Variants in CD109 observed in about 807,000 individuals in gnomAD.
The protein encoded by CD109 is CD109 antigen.
A neutral mutation model predicts 165.8 loss-of-function variants in CD109; 149 were observed. That is an observed-to-expected ratio of 0.90 (90% CI 0.79 to 1.03). CD109 has a LOEUF of 1.03. Ranked by LOEUF, CD109 falls within the 50% of genes least tolerant of loss-of-function variation. The pLI is 0.00. For synonymous variants in CD109, 585 were observed against 592.1 expected (o/e 0.99, Z 0.18); for missense variants, 1,712 against 1,677.8 (o/e 1.02, Z -0.36).
At chr6:73,821,067 CA>C (rs991763228) in intron 32 of CD109, among the ~76,000 whole-genome samples, 4 of 152,028 alleles carry the variant, frequency 2.6e-5, no homozygotes, top group Admixed American at 1.3e-4. Flanking sequence ...GACAAAAAAC[CA>C]AATGCTGCAT....
intron 29 of CD109, among the ~76,000 whole-genome samples, chr6:73,814,531 C>A (rs1775864689): frequency 6.6e-6 from 1 of 152,136 alleles, no homozygotes. Flanking sequence ...CAAAAATAAT[C>A]CTCAGCAATG....
chr6:73,732,877 C>T (rs1308940466), intron 4 of CD109, among the ~76,000 whole-genome samples: 2 of 152,302 alleles, frequency 1.3e-5, no homozygotes, highest in South Asian at 4.1e-4. Context: ...CTCAGAGAGA[C>T]TTTCCTCTTA....
At position 73,784,037 on chromosome 6, in the gene CD109, G is replaced by T. The variant is rs139727903; in HGVS notation, c.2223+213G>T. ...GCTAAATGTGCAAAGTCCGTATTAA[G>T]ATTTGGGTAGAAAAGTTTATTATTG... On this transcript the variant is annotated intron_variant, in intron 19 of 32. Transcript: ENST00000287097. 3.0e-3 allele frequency among the ~76,000 whole-genome samples: 460 copies of T among 152,204 alleles called. 3 individuals are homozygous for T. The highest frequency in any genetic ancestry group is 0.011 in the African/African-American group (439 of 41,518).
Position 73,730,485 on chromosome 6 carries a change from T to A in CD109, c.418T>A (p.Tyr140Asn), listed in dbSNP as rs370649786. 6.2e-7 allele frequency: 1 copy of A among 1,613,908 alleles called. No homozygotes were observed. The highest frequency in any genetic ancestry group is 1.3e-5 in the African/African-American group (1 of 74,924). Residue 140 changes from tyrosine (Y) to asparagine (N), a missense_variant, in exon 4 of 33, where the codon TAC (tyrosine) becomes AAC (asparagine). By Grantham distance (143) the Tyr-to-Asn change is moderately radical. Coordinates refer to ENST00000287097, the MANE Select transcript of CD109 (RefSeq NM_133493.5). ...CTTCATTCAAACAGACAAGGCCTTATACAAGCCAAAGCAAGAAGTGAAGTT... is the reference window on the plus strand; with the variant it reads ...CTTCATTCAAACAGACAAGGCCTTAAACAAGCCAAAGCAAGAAGTGAAGTT... ...SVFIQTDKAL[Y>N]KPKQEVKFRI... is the part of the protein sequence containing the mutation.
intron 3 of CD109, among the ~76,000 whole-genome samples, chr6:73,727,495 A>G (rs1425241260): frequency 6.6e-6 from 1 of 152,246 alleles, no homozygotes; most frequent in Non-Finnish European, 1.5e-5. Context: ...GGTAACCCAA[A>G]GGAACAGGAA....
At position 73,811,119 on chromosome 6, in the gene CD109, A is replaced by T. The variant is rs924112055; in HGVS notation, c.3674A>T (p.His1225Leu). The T allele has an allele frequency of 1.2e-6, 2 of 1,613,136 alleles. No homozygotes were observed. Among genetic ancestry groups the T allele is most frequent in the African/African-American group, 2.7e-5 (2 of 74,870 alleles). ...CCTGTAAAGTTTCTGATTGACACAC[A>T]CAACCGCTTACTCCTTCAGACAGCA... Reference protein sequence around the residue: ...PSPVKFLIDTHNRLLLQTAEL... With the variant: ...PSPVKFLIDTLNRLLLQTAEL... Residue 1225 changes from histidine to leucine, a missense_variant, in exon 28 of 33, where the codon CAC (histidine) becomes CTC (leucine). Transcript: ENST00000287097.
intron 24 of CD109, among the ~76,000 whole-genome samples, chr6:73,805,499 A>T (rs1775529686): frequency 6.6e-6 from 1 of 152,120 alleles, no homozygotes; most frequent in Non-Finnish European, 1.5e-5. Context: ...CAGGAGACAG[A>T]TGCCTTCCTC....
Position 73,783,803 on chromosome 6 carries a change from A to G in CD109, c.2202A>G (p.Gly734=), listed in dbSNP as rs1462792437. 2 of 1,594,186 alleles carry G rather than the reference A, an allele frequency of 1.3e-6. No homozygotes were observed. The highest frequency in any genetic ancestry group is 1.7e-6 in the Non-Finnish European group (2 of 1,162,286). Residue 734 remains glycine (G), a synonymous_variant, in exon 19 of 33, where the codon GGA becomes GGG. Coordinates refer to ENST00000287097, the MANE Select transcript of CD109 (RefSeq NM_133493.5). ...TGATCTCTGAGGACCTGGGTCTTGG[A>G]CTAACAACTACTCCAGTGGAGGTAT... The part of the protein sequence containing the change: ...GFVISEDLGL[G]LTTTPVELQA...
intron 30 of CD109, among the ~76,000 whole-genome samples, chr6:73,816,777 A>G (rs1163918798): frequency 1.3e-5 from 2 of 152,196 alleles, no homozygotes; most frequent in African/African-American, 4.8e-5. Flanking sequence ...GGCAAAGAAG[A>G]AGACCCTCAT....
chr6:73,787,223 T>G lies in CD109; in HGVS notation c.2338-11T>G. 6.4e-7 allele frequency: 1 copy of G among 1,560,906 alleles called. No individual in the cohort carries two copies. The highest frequency in any genetic ancestry group is 1.1e-5 in the South Asian group (1 of 89,054). On this transcript the variant is annotated splice_polypyrimidine_tract_variant and intron_variant, in intron 20 of 32. Transcript: ENST00000287097. ...ATTATACAAAAGCTTTGATTTATTT[T>G]TTTCTTTCAGGTTAAGGTAATCATT...
At chr6:73,743,016 A>G (rs896813394) in intron 5 of CD109, among the ~76,000 whole-genome samples, 4 of 152,212 alleles carry the variant, frequency 2.6e-5, no homozygotes, top group Non-Finnish European at 5.9e-5. Context: ...AGTGTTGGGC[A>G]GTCAACAAGG....
intron 5 of CD109, among the ~76,000 whole-genome samples, chr6:73,755,179 A>G (rs1437419807): frequency 1.3e-5 from 2 of 152,260 alleles, no homozygotes; most frequent in Non-Finnish European, 2.9e-5. Flanking sequence ...GAACTTATAA[A>G]TGAATCAAAT....
chr6:73,797,090 A>C (rs1775191917), intron 23 of CD109, among the ~76,000 whole-genome samples: 1 of 152,158 alleles, frequency 6.6e-6, no homozygotes, highest in Admixed American at 6.5e-5. Context: ...AGCGTGAGTC[A>C]TGATTATATT....
chr6:73,767,013 A>G lies in CD109; in HGVS notation c.1497+3A>G, dbSNP rs1479198938. 7 of 1,609,398 alleles carry G rather than the reference A, an allele frequency of 4.3e-6. No homozygotes were observed. Among genetic ancestry groups the G allele is most frequent in the Non-Finnish European group, 4.3e-6 (5 of 1,176,216 alleles). Reference sequence around the variant, plus strand: ...GATTGAAGGAGTTAAGCTATATGGTAATCTCTTATAGAATCTAAATTTATG... The same window carrying G: ...GATTGAAGGAGTTAAGCTATATGGTGATCTCTTATAGAATCTAAATTTATG... On this transcript the variant is annotated splice_donor_region_variant and intron_variant, in intron 13 of 32. Coordinates refer to ENST00000287097, the MANE Select transcript of CD109 (RefSeq NM_133493.5).
chr6:73,719,247 T>C (rs531519229), intron 2 of CD109, among the ~76,000 whole-genome samples: 1 of 152,238 alleles, frequency 6.6e-6, no homozygotes, highest in Non-Finnish European at 1.5e-5. Flanking sequence ...TTAATCTTGC[T>C]CATTTCTGAA....
At chr6:73,679,639 T>TG in the CD109 span, among the ~76,000 whole-genome samples, 1 of 148,938 alleles carries the variant, frequency 6.7e-6, no homozygotes, top group African/African-American at 2.5e-5. Context: ...TTTTTTTTTG[T>TG]TTTTTGTTTT....
At position 73,745,327 on chromosome 6, in the gene CD109, A is replaced by G. The variant is rs1312293201; in HGVS notation, c.633+8819A>G. 2.0e-5 allele frequency among the ~76,000 whole-genome samples: 3 copies of G among 151,010 alleles called. No homozygotes were observed. The East Asian group carries it at 5.9e-4, about 30-fold the overall frequency. Reference sequence around the variant, plus strand: ...ACCATGTTGGCCAGGCTGGTCTTGAACTCTTGACCTCAGGTGATCCGCCCG... The same window carrying G: ...ACCATGTTGGCCAGGCTGGTCTTGAGCTCTTGACCTCAGGTGATCCGCCCG... On this transcript the variant is annotated intron_variant, in intron 5 of 32. Transcript: ENST00000287097.
chr6:73,744,107 A>G (rs1320037274), intron 5 of CD109, among the ~76,000 whole-genome samples: 1 of 152,246 alleles, frequency 6.6e-6, no homozygotes, highest in Non-Finnish European at 1.5e-5. Context: ...CATCAGGTGC[A>G]TTCACATTGT....
rs369728800 is a variant in CD109, at chr6:73,765,893, C to A, written c.1108-37C>A. 461 of 1,402,090 alleles carry A rather than the reference C, an allele frequency of 3.3e-4. 1 individual carries two copies. Among genetic ancestry groups the A allele is most frequent in the Non-Finnish European group, 4.4e-4 (435 of 994,160 alleles). 86.9% of individuals were successfully genotyped at this position (1,402,090 alleles called of 1,614,324 possible). On this transcript the variant is annotated intron_variant, in intron 10 of 32. Coordinates refer to ENST00000287097, the MANE Select transcript of CD109 (RefSeq NM_133493.5). Reference sequence around the variant, plus strand: ...AAACTGTATTTAATCGTACTTAAATCCTTTGTGTTTTTAAGATGTTTTGTT... The same window carrying A: ...AAACTGTATTTAATCGTACTTAAATACTTTGTGTTTTTAAGATGTTTTGTT...
Sources: gnomAD v4.1 joint callset for allele counts (sites outside exome capture counted in the v4.1 genomes callset) on GRCh38, gnomAD v4.1.1 for gene constraint, MANE v1.5 for transcripts, NCBI Gene and HGNC (gene_info 2026-07-23, HGNC 2026-07-21) for gene names.